Variants in ZBTB43 observed in about 807,000 individuals in gnomAD.
The protein encoded by ZBTB43 is zinc finger and BTB domain containing 43.
In ZBTB43, 6 loss-of-function variants were observed where a neutral mutation model predicts 31.1. That is an observed-to-expected ratio of 0.19 (90% CI 0.11 to 0.38). The LOEUF (loss-of-function observed/expected upper bound fraction) is 0.38. Among genes scored for constraint, ZBTB43 ranks in the 10% least tolerant of loss-of-function variants. The pLI is 1.00. For missense variants in ZBTB43, 379 were observed against 602.1 expected (o/e 0.63, Z 3.88); for synonymous variants, 212 against 221.7 (o/e 0.96, Z 0.39).
Position 126,832,759 on chromosome 9 carries a change from A to C in ZBTB43, c.250A>C (p.Ile84Leu). Residue 84 changes from isoleucine (I) to leucine (L), a missense_variant, in exon 3 of 3, where the codon ATT (isoleucine) becomes CTT (leucine). Around this residue, in one of 5 missense-constraint regions of ZBTB43, gnomAD observed 79 missense variants for 134.4 expected, o/e 0.59. Transcript: ENST00000373464. The part of the protein sequence containing the change: ...DVMNPRVFEN[I>L]LLSSYTGRLV... ...GATGAACCCAAGAGTGTTTGAGAAC[A>C]TTCTCCTATCTAGTTATACAGGACG... The C allele has an allele frequency of 6.2e-7, 1 of 1,614,158 alleles. No homozygotes were observed. Among genetic ancestry groups the C allele is most frequent in the Non-Finnish European group, 8.5e-7 (1 of 1,180,036 alleles).
chr9:126,805,256 C>G (rs1028463772), intron 1 of ZBTB43, 124 bp downstream of exon 1: 1 of 152,520 alleles, frequency 6.6e-6, no homozygotes, highest in African/African-American at 2.4e-5. Context: ...TTCCGTGGAC[C>G]GGCATACCAA....
rs1037438908 is a variant in ZBTB43, at chr9:126,834,161, A to C, written c.*248A>C. ...AACCCACCGCCCAGCTGGCAAGGGA[A>C]ACCTTCTGACTGGTTGTGATCGAAA... On this transcript the variant is annotated 3_prime_UTR_variant, in exon 3 of 3. Transcript: ENST00000373464. The C allele has an allele frequency of 2.6e-5, 10 of 383,762 alleles. No individual in the cohort carries two copies. The highest frequency in any genetic ancestry group is 2.0e-4 in the African/African-American group (10 of 48,930). 23.8% of individuals were successfully genotyped at this position (383,762 alleles called of 1,614,324 possible). A position where few individuals can be genotyped will look rare whatever the true frequency, so the allele number is the denominator to read the frequency against.
At chr9:126,826,824 C>T (rs934660998) in intron 2 of ZBTB43, among the ~76,000 whole-genome samples, 1 of 152,126 alleles carries the variant, frequency 6.6e-6, no homozygotes, top group Non-Finnish European at 1.5e-5. Context: ...ATTTTCTTTA[C>T]TTTATTCATT....
chr9:126,830,051 CAG>C (rs2032731785), intron 2 of ZBTB43, among the ~76,000 whole-genome samples: 1 of 152,118 alleles, frequency 6.6e-6, no homozygotes, highest in South Asian at 2.1e-4. Context: ...TTAGAGGAGG[CAG>C]AGTGATGTGA....
chr9:126,815,513 G>A (rs1180354602), intron 2 of ZBTB43, among the ~76,000 whole-genome samples: 1 of 150,246 alleles, frequency 6.7e-6, no homozygotes, highest in Non-Finnish European at 1.5e-5. Flanking sequence ...TTTTTCCTCT[G>A]TATGTTTTAT....
At chr9:126,828,017 CA>C (rs113774199) in intron 2 of ZBTB43, among the ~76,000 whole-genome samples, 8 of 144,550 alleles carry the variant, frequency 5.5e-5, no homozygotes, top group Non-Finnish European at 4.6e-5. Flanking sequence ...AACTCCGTCT[CA>C]AAAAAAAAAG....
intron 1 of ZBTB43, among the ~76,000 whole-genome samples, chr9:126,805,438 T>TC (rs1338162376): frequency 6.6e-6 from 1 of 151,692 alleles, no homozygotes. Context: ...CCCGCCCCCG[T>TC]CCGTCCGCTG....
intron 2 of ZBTB43, among the ~76,000 whole-genome samples, chr9:126,824,489 C>T (rs2032588925): frequency 6.6e-6 from 1 of 152,180 alleles, no homozygotes; most frequent in Admixed American, 6.5e-5. Flanking sequence ...GCTTTTGTTT[C>T]TCTGGGAATG....
chr9:126,816,139 C>T (rs2032379977), intron 2 of ZBTB43, among the ~76,000 whole-genome samples: 1 of 152,144 alleles, frequency 6.6e-6, no homozygotes, highest in Non-Finnish European at 1.5e-5. Flanking sequence ...TTCACGTTCT[C>T]TGGTTCTTTC....
At chr9:126,828,895 G>A (rs1359276337) in intron 2 of ZBTB43, among the ~76,000 whole-genome samples, 1 of 151,968 alleles carries the variant, frequency 6.6e-6, no homozygotes, top group Admixed American at 6.6e-5. Context: ...TTGAATCAAG[G>A]ATGTGACTGA....
intron 2 of ZBTB43, among the ~76,000 whole-genome samples, chr9:126,824,828 C>T (rs904255744): frequency 6.6e-6 from 1 of 152,050 alleles, no homozygotes; most frequent in African/African-American, 2.4e-5. Context: ...AGTGTTTGAC[C>T]ATTATATATT....
intron 2 of ZBTB43, among the ~76,000 whole-genome samples, chr9:126,827,461 AATGGGGATTT>A (rs2032666849): frequency 6.6e-6 from 1 of 152,172 alleles, no homozygotes; most frequent in Admixed American, 6.5e-5. Context: ...AGGGCTGCGG[AATGGGGATTT>A]ATGCACACTG....
At chr9:126,818,396 C>G (rs1000287706) in intron 2 of ZBTB43, among the ~76,000 whole-genome samples, 1 of 151,996 alleles carries the variant, frequency 6.6e-6, no homozygotes, top group Non-Finnish European at 1.5e-5. Flanking sequence ...GCTGGGATTG[C>G]AGATGAGAGC....
intron 1 of ZBTB43, among the ~76,000 whole-genome samples, chr9:126,805,553 A>G (rs873837): frequency 6.6e-6 from 1 of 152,160 alleles, no homozygotes; most frequent in Non-Finnish European, 1.5e-5. Flanking sequence ...GCCTGGACTT[A>G]GCTGATCTTC....
Position 126,812,496 on chromosome 9 carries a change from T to G in ZBTB43, c.-24+3581T>G, listed in dbSNP as rs77632335. Among the ~76,000 whole-genome samples the G allele has an allele frequency of 1.0e-2, 1,523 of 152,348 alleles. 26 individuals carry two copies. Among genetic ancestry groups the G allele is most frequent in the African/African-American group, 0.035 (1,461 of 41,584 alleles). ...ACTCCCTGAGGTGCTGTCACACTGC[T>G]TTCCACAGTAGCTGTACCATTTTAC... is the stretch of plus-strand genomic sequence containing the variant. On this transcript the variant is annotated intron_variant, in intron 2 of 2. Coordinates refer to ENST00000373464, the MANE Select transcript of ZBTB43 (RefSeq NM_014007.4).
intron 2 of ZBTB43, among the ~76,000 whole-genome samples, chr9:126,828,660 T>TATTATTATG (rs1224418003): frequency 1.4e-5 from 2 of 145,318 alleles, no homozygotes; most frequent in African/African-American, 5.0e-5. Context: ...TAATAATTAT[T>TATTATTATG]ATTATTATTA....
chr9:126,811,912 C>T (rs1428222980), intron 2 of ZBTB43, among the ~76,000 whole-genome samples: 2 of 152,228 alleles, frequency 1.3e-5, no homozygotes, highest in African/African-American at 4.8e-5. Flanking sequence ...GCGTGAGCCA[C>T]CGCACCCGGC....
chr9:126,812,842 A>G (rs2032278734), intron 2 of ZBTB43, among the ~76,000 whole-genome samples: 1 of 151,862 alleles, frequency 6.6e-6, no homozygotes, highest in African/African-American at 2.4e-5. Context: ...TCTGCAAATA[A>G]TTTCTCCTAT....
Position 126,836,364 on chromosome 9 carries a change from TTAAA to T in ZBTB43, c.*2455_*2458del, listed in dbSNP as rs901049965. ...GTCCATCAGCTACTAAATGTAGAAC[TTAAA>T]TAAGTTGCTCACATCTGTTCTTTTA... On this transcript the variant is annotated 3_prime_UTR_variant, in exon 3 of 3. Transcript: ENST00000373464. 2.4e-5 allele frequency: 4 copies of T among 166,132 alleles called. No individual in the cohort carries two copies. The highest frequency in any genetic ancestry group is 7.2e-5 in the African/African-American group (3 of 41,576). 10.3% of individuals were successfully genotyped at this position (166,132 alleles called of 1,614,324 possible).
Sources: allele counts gnomAD v4.1 joint callset (sites outside exome capture counted in the v4.1 genomes callset), GRCh38; gene constraint gnomAD v4.1.1; regional missense constraint gnomAD v4.1.1; transcripts MANE v1.5; gene names NCBI Gene and HGNC (gene_info 2026-07-23, HGNC 2026-07-21).